The following SPATA33 variants were observed in gnomAD, a reference collection of about 807,000 sequenced individuals.
SPATA33 encodes spermatogenesis associated 33.
A neutral mutation model predicts 8.9 loss-of-function variants in SPATA33; 10 were observed. That is an observed-to-expected ratio of 1.12 (90% CI 0.69 to 1.90). The LOEUF is 1.90. Among genes scored for constraint, SPATA33 ranks in the 40% most tolerant of loss-of-function variants. SPATA33 has a pLI of 0.00. For missense variants in SPATA33, 241 were observed against 178.3 expected (o/e 1.35, Z -2.00); for synonymous variants, 96 against 72.8 (o/e 1.32, Z -1.63).
At chr16:89,665,226 G>A (rs1464463257) in intron 2 of SPATA33, among the ~76,000 whole-genome samples, 1 of 152,106 alleles carries the variant, frequency 6.6e-6, no homozygotes, top group Non-Finnish European at 1.5e-5. Context: ...AACTCCAGAG[G>A]CCAAGCAATC....
At chr16:89,665,936 T>G (rs925131600) in intron 2 of SPATA33, among the ~76,000 whole-genome samples, 2 of 152,096 alleles carry the variant, frequency 1.3e-5, no homozygotes, top group East Asian at 3.9e-4. Context: ...AAAAATTAGC[T>G]AGGCGTGGTG....
Position 89,658,367 on chromosome 16 carries a change from C to T in SPATA33, c.157C>T (p.Leu53Phe), listed in dbSNP as rs780150367. The change falls in exon 2 of 3, where the codon CTC (leucine) becomes TTC (phenylalanine). Residue 53 changes from leucine to phenylalanine, a missense_variant. Physicochemically the swap from Leu to Phe is conservative, Grantham distance 22. Transcript: ENST00000579310. ...GGAGTCGGAGAAGCCTGTGGACAGC[C>T]TCCACCCGGGGGCCGGGACAGCCAA... ...DRESEKPVDS[L>F]HPGAGTAKHP... 6.8e-6 allele frequency: 11 copies of T among 1,613,422 alleles called. No homozygotes were observed. The highest frequency in any genetic ancestry group is 6.7e-5 in the East Asian group (3 of 44,880).
In SPATA33 at chr16:89,669,477, A is replaced by C; in HGVS notation, c.403A>C (p.Asn135His). ...GAACCCCAGTACAGCAGACGCCTAT[A>C]ATTCACATCTCAAAGAATAAACAAG... is the stretch of plus-strand genomic sequence containing the variant. ...HRNPSTADAY[N>H]SHLKE Residue 135 changes from asparagine (N) to histidine (H), a missense_variant, in exon 3 of 3, where the codon AAT becomes CAT. By Grantham distance (68) the Asn-to-His change is moderately conservative. Transcript: ENST00000579310. The C allele has an allele frequency of 6.2e-7, 1 of 1,612,966 alleles. No homozygotes were observed. Among genetic ancestry groups the C allele is most frequent in the Non-Finnish European group, 8.5e-7 (1 of 1,179,996 alleles).
chr16:89,661,703 CAAAT>C (rs2059968406), intron 2 of SPATA33, among the ~76,000 whole-genome samples: 4 of 151,838 alleles, frequency 2.6e-5, no homozygotes, highest in Admixed American at 2.0e-4. Flanking sequence ...AATTCTACCA[CAAAT>C]AAAGAACTTG....
rs531124029 is a variant in SPATA33, at chr16:89,658,259, A to G, written c.49A>G (p.Lys17Glu). 2 of 1,614,166 alleles carry G rather than the reference A, an allele frequency of 1.2e-6. No individual in the cohort carries two copies. The highest frequency in any genetic ancestry group is 4.5e-5 in the East Asian group (2 of 44,878). ...KEKPRKGEEQ[K>E]KGSTYSVPKS... ...TCCATATATTTCAGGTGAGGAGCAA[A>G]AGAAGGGATCCACCTATTCAGTTCC... Residue 17 changes from lysine to glutamate, a missense_variant, in exon 2 of 3, where the codon AAG becomes GAG. Lys to Glu is a moderately conservative substitution (Grantham distance 56, BLOSUM62 1). Transcript: ENST00000579310.
chr16:89,659,471 C>G (rs1016880218), intron 2 of SPATA33: 2 of 152,276 alleles, frequency 1.3e-5, no homozygotes, highest in African/African-American at 4.8e-5. Flanking sequence ...GTCAGGAGTT[C>G]AAGACCAGCC....
In SPATA33 at chr16:89,669,348, A is replaced by C. The variant is rs771949077; in HGVS notation, c.274A>C (p.Thr92Pro). Residue 92 changes from threonine to proline, a missense_variant, in exon 3 of 3, where the codon ACG becomes CCG. Transcript: ENST00000579310. Reference protein sequence around the residue: ...KKVVVPQIIITRASNETLVSC... With the variant: ...KKVVVPQIIIPRASNETLVSC... ...AGTGGTCGTTCCACAGATCATCATC[A>C]CGCGAGCGTCGAATGAGACGCTAGT... The C allele has an allele frequency of 2.5e-6, 4 of 1,614,158 alleles. No individual in the cohort carries two copies. The highest frequency in any genetic ancestry group is 2.5e-6 in the Non-Finnish European group (3 of 1,180,030).
At position 89,664,405 on chromosome 16, in the gene SPATA33, C is replaced by G. The variant is rs930970360; in HGVS notation, c.212-4881C>G. Among the ~76,000 whole-genome samples the G allele has an allele frequency of 7.9e-5, 12 of 152,176 alleles. 1 individual carries two copies. The highest frequency in any genetic ancestry group is 7.2e-4 in the Admixed American group (11 of 15,268). ...TGGGAAACAGCCATGTGTAACCCTC[C>G]CCTCGAGTGTGGGTGGAATGAGGAA... On this transcript the variant is annotated intron_variant, in intron 2 of 2. Coordinates refer to ENST00000579310, the MANE Select transcript of SPATA33 (RefSeq NM_001271907.2).
At chr16:89,658,055 C>T (rs1442433326) in intron 1 of SPATA33, 107 bp downstream of exon 1, 3 of 1,459,870 alleles carry the variant, frequency 2.1e-6, no homozygotes, top group African/African-American at 1.4e-5. Flanking sequence ...CCAGGCTCGG[C>T]CCGGTGCGAA....
intron 2 of SPATA33, chr16:89,661,344 G>A (rs1047977311): frequency 2.6e-6 from 1 of 384,540 alleles, no homozygotes; most frequent in Non-Finnish European, 3.6e-6. Context: ...AGTGTCACGA[G>A]ATCCGATGGT....
chr16:89,669,598 G>T lies in SPATA33; in HGVS notation c.*101G>T, dbSNP rs751826181. On this transcript the variant is annotated 3_prime_UTR_variant, in exon 3 of 3. Transcript: ENST00000579310. ...CCGAGGCCCCTTCTCCAGTGCTCTC[G>T]GGGAGGTTGCACCAGGCCCACCCCA... The T allele has an allele frequency of 3.2e-6, 4 of 1,243,018 alleles. No individual in the cohort carries two copies. Among genetic ancestry groups the T allele is most frequent in the South Asian group, 2.7e-5 (2 of 73,398 alleles). The allele number at this position is 1,243,018 out of a possible 1,614,324, so 77.0% of individuals were successfully genotyped here. A position where few individuals can be genotyped will look rare whatever the true frequency, so the allele number is the denominator to read the frequency against.
intron 2 of SPATA33, chr16:89,660,431 G>A: frequency 1.6e-6 from 2 of 1,229,116 alleles, no homozygotes; most frequent in Non-Finnish European, 2.0e-6. Flanking sequence ...AGCAGTGTCT[G>A]TCACACCAGA....
At position 89,669,272 on chromosome 16, in the gene SPATA33, G is replaced by A; in HGVS notation, c.212-14G>A. 1.2e-6 allele frequency: 2 copies of A among 1,613,724 alleles called. No homozygotes were observed. Among genetic ancestry groups the A allele is most frequent in the Non-Finnish European group, 1.7e-6 (2 of 1,179,630 alleles). On this transcript the variant is annotated splice_polypyrimidine_tract_variant and intron_variant, in intron 2 of 2. Transcript: ENST00000579310. ...CCACACATCTACTAAATGCCTGGAT[G>A]TTTTTTCCTCTAGAGAAACCTGATG... is the stretch of plus-strand genomic sequence containing the variant.
intron 2 of SPATA33, among the ~76,000 whole-genome samples, chr16:89,665,818 C>T (rs1180809355): frequency 1.3e-5 from 2 of 152,116 alleles, no homozygotes; most frequent in Admixed American, 6.5e-5. Flanking sequence ...TAGTGATTCA[C>T]GCCTGTAATC....
At position 89,669,570 on chromosome 16, in the gene SPATA33, A is replaced by G; in HGVS notation, c.*73A>G. On this transcript the variant is annotated 3_prime_UTR_variant, in exon 3 of 3. Coordinates refer to ENST00000579310, the MANE Select transcript of SPATA33 (RefSeq NM_001271907.2). ...GGGAACAGCCGCCTCACCCTGTGAG[A>G]AGCCGAGGCCCCTTCTCCAGTGCTC... 6.7e-7 allele frequency: 1 copy of G among 1,489,974 alleles called. No individual in the cohort carries two copies. The highest frequency in any genetic ancestry group is 1.2e-5 in the South Asian group (1 of 85,964). 92.3% of individuals were successfully genotyped at this position (1,489,974 alleles called of 1,614,324 possible).
At chr16:89,658,133 G>C in intron 1 of SPATA33, 115 bp from the exon 2 acceptor site, 1 of 1,531,928 alleles carries the variant, frequency 6.5e-7, no homozygotes, top group Non-Finnish European at 8.7e-7. Flanking sequence ...GAAACGCGGA[G>C]ACTCGAGACT....
intron 2 of SPATA33, among the ~76,000 whole-genome samples, chr16:89,668,861 T>C (rs933637597): frequency 2.6e-5 from 4 of 152,222 alleles, no homozygotes; most frequent in Admixed American, 2.6e-4. Flanking sequence ...ACATCAGACA[T>C]GTCCATTTCT....
intron 2 of SPATA33, among the ~76,000 whole-genome samples, chr16:89,662,717 G>T (rs11645271): frequency 0.46 from 69,576 of 151,156 alleles, 16,458 homozygotes; most frequent in South Asian, 0.61. Context: ...GTGAGCCACC[G>T]CACCTGGCCT....
At chr16:89,659,957 A>G (rs944019531) in intron 2 of SPATA33, 2 of 152,268 alleles carry the variant, frequency 1.3e-5, no homozygotes, top group African/African-American at 4.8e-5. Flanking sequence ...CCCTGCAGGA[A>G]TAGCATCACC....
Sources: allele counts gnomAD v4.1 joint callset (sites outside exome capture counted in the v4.1 genomes callset), GRCh38; gene constraint gnomAD v4.1.1; transcripts MANE v1.5; gene names NCBI Gene and HGNC (gene_info 2026-07-23, HGNC 2026-07-21).